Variants in DIAPH3 observed in about 807,000 individuals in gnomAD.
DIAPH3 encodes the protein protein diaphanous homolog 3.
A neutral mutation model predicts 144.3 loss-of-function variants in DIAPH3; 117 were observed. The observed-to-expected ratio is 0.81, with a 90% CI of 0.70 to 0.95. The LOEUF (loss-of-function observed/expected upper bound fraction) is 0.95. Ranked by LOEUF, DIAPH3 falls within the 40% of genes least tolerant of loss-of-function variation. The probability of loss-of-function intolerance (pLI) is 0.00; values close to 1 mark genes in which losing one functional copy is unlikely to be tolerated. For synonymous variants in DIAPH3, 519 were observed against 488.9 expected, an observed-to-expected ratio of 1.06 and a Z score of -0.81; for missense variants, 1,421 against 1,412.7, an observed-to-expected ratio of 1.01 and a Z score of -0.09.
intron 4 of DIAPH3, among the ~76,000 whole-genome samples, chr13:60,084,008 A>T (rs1273476793): frequency 8.5e-5 from 2 of 23,598 alleles, no homozygotes; most frequent in Admixed American, 4.0e-4. Context: ...ATAGATAGAC[A>T]GATAGATAGA....
At chr13:60,157,014 G>A (rs1366282092) in intron 1 of DIAPH3, among the ~76,000 whole-genome samples, 16 of 144,706 alleles carry the variant, frequency 1.1e-4, no homozygotes, top group African/African-American at 3.6e-4. Context: ...GCACAATCTC[G>A]TCTCACTGCA....
chr13:59,978,578 C>G (rs2050803646), intron 14 of DIAPH3, among the ~76,000 whole-genome samples: 1 of 151,650 alleles, frequency 6.6e-6, no homozygotes, highest in Non-Finnish European at 1.5e-5. Flanking sequence ...CTTGCTAATA[C>G]TAAAGTAACT....
chr13:59,947,733 T>TAA (rs531684302), intron 17 of DIAPH3, among the ~76,000 whole-genome samples: 51 of 144,382 alleles, frequency 3.5e-4, no homozygotes, highest in African/African-American at 9.3e-4. Context: ...ACTCTGTATT[T>TAA]AAAAAAAAAA....
chr13:60,119,014 T>C (rs1187435416), intron 2 of DIAPH3, among the ~76,000 whole-genome samples: 5 of 150,374 alleles, frequency 3.3e-5, no homozygotes, highest in African/African-American at 1.0e-4. Context: ...AACTAAAATG[T>C]AAGTGCCATG....
At chr13:59,926,634 A>G (rs2047767093) in intron 17 of DIAPH3, among the ~76,000 whole-genome samples, 1 of 152,190 alleles carries the variant, frequency 6.6e-6, no homozygotes, top group African/African-American at 2.4e-5. Flanking sequence ...TATTATTTGT[A>G]AAGTTCCCAA....
chr13:59,825,953 C>A (rs1310463227), intron 24 of DIAPH3, among the ~76,000 whole-genome samples: 2 of 152,170 alleles, frequency 1.3e-5, no homozygotes, highest in Admixed American at 6.6e-5. Flanking sequence ...TCAATAGATG[C>A]AGAAAAGGCC....
At chr13:59,789,009 C>A (rs144545168) in intron 25 of DIAPH3, among the ~76,000 whole-genome samples, 6 of 152,280 alleles carry the variant, frequency 3.9e-5, no homozygotes, top group Admixed American at 2.0e-4. Context: ...CTAAAGAAAG[C>A]AAAATTTAGA....
At chr13:60,134,213 GGCTCCAGATTAAA>G (rs1349777950) in intron 1 of DIAPH3, among the ~76,000 whole-genome samples, 3 of 152,118 alleles carry the variant, frequency 2.0e-5, no homozygotes, top group Admixed American at 1.3e-4. Context: ...CACACCACTA[GGCTCCAGATTAAA>G]CTGCCTTGTT....
At chr13:59,741,863 A>G (rs796823127) in intron 27 of DIAPH3, among the ~76,000 whole-genome samples, 7 of 152,278 alleles carry the variant, frequency 4.6e-5, no homozygotes, top group African/African-American at 1.7e-4. Flanking sequence ...ATGGTTCATG[A>G]CTGAGACCCC....
intron 25 of DIAPH3, among the ~76,000 whole-genome samples, chr13:59,800,604 A>G (rs1446321125): frequency 6.6e-6 from 1 of 152,182 alleles, no homozygotes; most frequent in Non-Finnish European, 1.5e-5. Context: ...AGGAAACAGC[A>G]TTTCCTCAGA....
chr13:59,781,016 TA>T (rs2038708354), intron 25 of DIAPH3, among the ~76,000 whole-genome samples: 2 of 152,312 alleles, frequency 1.3e-5, no homozygotes, highest in Middle Eastern at 3.4e-3. Context: ...GGAAACCACC[TA>T]AGTTTAAAGG....
intron 22 of DIAPH3, among the ~76,000 whole-genome samples, chr13:59,847,375 C>G (rs1309361838): frequency 1.3e-5 from 2 of 152,122 alleles, no homozygotes; most frequent in Non-Finnish European, 2.9e-5. Flanking sequence ...ATGAATACAA[C>G]CAATTAAAGG....
intron 25 of DIAPH3, among the ~76,000 whole-genome samples, chr13:59,799,476 A>G (rs562983770): frequency 6.6e-6 from 1 of 152,116 alleles, no homozygotes; most frequent in East Asian, 1.9e-4. Flanking sequence ...CTCAGTCATA[A>G]ATTAAACTGC....
intron 17 of DIAPH3, among the ~76,000 whole-genome samples, chr13:59,942,651 A>C (rs1057364252): frequency 3.3e-5 from 5 of 152,202 alleles, no homozygotes; most frequent in Non-Finnish European, 7.4e-5. Context: ...TTGTTAACAA[A>C]AGCTACTGCT....
Position 59,992,101 on chromosome 13 carries a change from G to A in DIAPH3, c.1211C>T (p.Ser404Phe). Residue 404 changes from serine (S) to phenylalanine (F), a missense_variant, in exon 11 of 28, where the codon TCC becomes TTC. Physicochemically the swap from Ser to Phe is radical, Grantham distance 155. Transcript: ENST00000400324. ...AGCTCTAATATCTTCAAGGCGATGG[G>A]ATAACTCAAACAAATCTTCTTCTTT... ...EHKEEDLFEL[S>F]HRLEDIRAEL... 1.9e-6 allele frequency: 3 copies of A among 1,611,830 alleles called. No homozygotes were observed. The highest frequency in any genetic ancestry group is 2.2e-5 in the South Asian group (2 of 91,026).
intron 27 of DIAPH3, among the ~76,000 whole-genome samples, chr13:59,732,505 A>G (rs905472041): frequency 2.0e-5 from 3 of 151,570 alleles, no homozygotes; most frequent in African/African-American, 7.3e-5. Flanking sequence ...GTGCAGTGGC[A>G]ATCACAGCTC....
intron 5 of DIAPH3, among the ~76,000 whole-genome samples, chr13:60,034,167 T>C (rs772595458): frequency 7.9e-5 from 12 of 152,206 alleles, no homozygotes; most frequent in Non-Finnish European, 1.3e-4. Flanking sequence ...TCATTGAAAA[T>C]ATTTATCTTT....
intron 22 of DIAPH3, among the ~76,000 whole-genome samples, chr13:59,851,768 A>T (rs772818461): frequency 6.6e-6 from 1 of 151,228 alleles, no homozygotes; most frequent in African/African-American, 2.4e-5. Context: ...TATTACACAC[A>T]TGCACCACCA....
chr13:60,047,181 C>A (rs2056112872), intron 4 of DIAPH3, among the ~76,000 whole-genome samples: 1 of 151,630 alleles, frequency 6.6e-6, no homozygotes, highest in Non-Finnish European at 1.5e-5. Context: ...TTTGTGGAAA[C>A]TGAGGACAAC....
Sources: allele counts gnomAD v4.1 joint callset (sites outside exome capture counted in the v4.1 genomes callset), GRCh38; gene constraint gnomAD v4.1.1; transcripts MANE v1.5; gene names NCBI Gene and HGNC (gene_info 2026-07-23, HGNC 2026-07-21).